DOCK11: variants seen among roughly 807,000 people sequenced by gnomAD.
The protein encoded by DOCK11 is dedicator of cytokinesis 11.
DOCK11 carries 70 observed loss-of-function variants against 169.1 expected under a neutral mutation model. That is an observed-to-expected ratio of 0.41 (90% CI 0.34 to 0.51). The LOEUF (loss-of-function observed/expected upper bound fraction) is 0.51. Ranked by LOEUF, DOCK11 falls within the 20% of genes least tolerant of loss-of-function variation. The pLI is 0.10. For synonymous variants in DOCK11, 529 were observed against 541.3 expected (o/e 0.98, Z 0.32); for missense variants, 1,166 against 1,538.8 (o/e 0.76, Z 4.05).
intron 48 of DOCK11, 81 bp downstream of exon 48, chrX:118,676,818 A>G (rs2016622065): frequency 1.1e-6 from 1 of 910,876 alleles, no homozygotes; most frequent in South Asian, 3.4e-5. Flanking sequence ...TCCTTTTTTA[A>G]CTGGTAGAGA....
At chrX:118,587,889 C>T (rs980409643) in intron 16 of DOCK11, among the ~76,000 whole-genome samples, 1 of 111,820 alleles carries the variant, frequency 8.9e-6, no homozygotes, top group Non-Finnish European at 1.9e-5. Context: ...GCAAATCACT[C>T]GACATTGAGA....
intron 21 of DOCK11, among the ~76,000 whole-genome samples, chrX:118,597,768 G>A (rs2014214139): frequency 9.0e-6 from 1 of 110,923 alleles, no homozygotes; most frequent in Admixed American, 9.6e-5. Flanking sequence ...TTTTTTTAGT[G>A]GGGCTCAGAT....
chrX:118,585,201 G>A lies in DOCK11; in HGVS notation c.1795+84G>A, dbSNP rs137999408. ...TTTCAATATTTTTCTTGAGGTTTAC[G>A]TGGCATATTAGTTTCCCAGGGTTGC... On this transcript the variant is annotated intron_variant, in intron 16 of 52. Transcript: ENST00000276202. 308 of 897,032 alleles carry A rather than the reference G, an allele frequency of 3.4e-4. 1 individual carries two copies. The African/African-American group carries it at 5.2e-3, about 15-fold the overall frequency. 73.9% of individuals were successfully genotyped at this position (897,032 alleles called of 1,213,427 possible).
chrX:118,500,209 C>T (rs1603014602), intron 1 of DOCK11, among the ~76,000 whole-genome samples: 1 of 110,024 alleles, frequency 9.1e-6, no homozygotes, highest in East Asian at 2.9e-4. Flanking sequence ...CCGCCACGCC[C>T]GGCTAATTTT....
intron 24 of DOCK11, among the ~76,000 whole-genome samples, chrX:118,607,378 G>C (rs2014552409): frequency 9.8e-6 from 1 of 101,667 alleles, no homozygotes; most frequent in African/African-American, 3.6e-5. Context: ...GCCACCCAAA[G>C]TGCTGGGATT....
In DOCK11 at chrX:118,506,269, C is replaced by A. The variant is rs1236763683; in HGVS notation, c.102+10196C>A. ...GACCCTGTCTCAAAAAAAAAAAAAA[C>A]AACAAAAAACCAAAACCAAAAAACC... On this transcript the variant is annotated intron_variant, in intron 1 of 52. Transcript: ENST00000276202. Among the ~76,000 whole-genome samples, 140 of 106,565 alleles carry A rather than the reference C, an allele frequency of 1.3e-3. 1 individual carries two copies. The highest frequency in any genetic ancestry group is 0.01 in the Middle Eastern group (2 of 195). 92.5% of individuals were successfully genotyped at this position (106,565 alleles called of 115,157 possible).
chrX:118,569,091 C>CTTTTTTTTTTTTTTTTTTTTT (rs1186200391), intron 10 of DOCK11, among the ~76,000 whole-genome samples: 4 of 44,991 alleles, frequency 8.9e-5, no homozygotes, highest in Admixed American at 3.5e-4. Context: ...TCTTTCTTTC[C>CTTTTTTTTTTTTTTTTTTTTT]TTTTTTTTTT....
Position 118,588,118 on chromosome X carries a change from G to A in DOCK11, c.1796-19G>A. On this transcript the variant is annotated intron_variant, in intron 16 of 52. Transcript: ENST00000276202. ...TTATTAAACTGAATGATCTTTGCCT[G>A]TTTTTTTCCCTGCTATAGATTGTAT... 2 of 1,130,045 alleles carry A rather than the reference G, an allele frequency of 1.8e-6. No individual in the cohort carries two copies. Among genetic ancestry groups the A allele is most frequent in the East Asian group, 6.1e-5 (2 of 32,699 alleles). The allele number at this position is 1,130,045 out of a possible 1,213,427, so 93.1% of individuals were successfully genotyped here.
At position 118,686,141 on chromosome X, in the gene DOCK11, T is replaced by C. The variant is rs1350586149; in HGVS notation, c.*334T>C. ...GGAATACAATAAAAGGTAAAACTTATTTGTAATTAGAAGTGAAAGAAATAA... is the reference window on the plus strand; with the variant it reads ...GGAATACAATAAAAGGTAAAACTTACTTGTAATTAGAAGTGAAAGAAATAA... On this transcript the variant is annotated 3_prime_UTR_variant, in exon 53 of 53. Transcript: ENST00000276202. 1.4e-5 allele frequency: 2 copies of C among 140,645 alleles called. No individual in the cohort carries two copies. Among genetic ancestry groups the C allele is most frequent in the Admixed American group, 8.5e-5 (1 of 11,699 alleles). 11.6% of individuals were successfully genotyped at this position (140,645 alleles called of 1,213,427 possible).
intron 3 of DOCK11, 107 bp from the exon 4 acceptor site, chrX:118,543,404 T>G (rs2012106747): frequency 1.7e-6 from 1 of 601,321 alleles, no homozygotes; most frequent in Non-Finnish European, 2.6e-6. Flanking sequence ...TACTAGTAAT[T>G]GCCAAATGGT....
At chrX:118,607,115 T>C (rs914893402) in intron 24 of DOCK11, among the ~76,000 whole-genome samples, 1 of 91,803 alleles carries the variant, frequency 1.1e-5, no homozygotes, top group Admixed American at 1.2e-4. Context: ...TTTCCTTCTT[T>C]TTTTTTTTTT....
chrX:118,650,975 C>T (rs2015931466), intron 41 of DOCK11, among the ~76,000 whole-genome samples: 1 of 111,801 alleles, frequency 8.9e-6, no homozygotes, highest in Non-Finnish European at 1.9e-5. Flanking sequence ...CAAAGCCACA[C>T]AGTGAATTAT....
intron 1 of DOCK11, among the ~76,000 whole-genome samples, chrX:118,540,461 G>T (rs2011948439): frequency 9.0e-6 from 1 of 111,556 alleles, no homozygotes; most frequent in Admixed American, 9.5e-5. Context: ...TCTCAAATAG[G>T]ATTTTTTCCT....
intron 1 of DOCK11, among the ~76,000 whole-genome samples, chrX:118,520,886 T>G (rs1298965503): frequency 1.8e-5 from 2 of 112,016 alleles, no homozygotes; most frequent in Non-Finnish European, 3.8e-5. Flanking sequence ...CAACATATAT[T>G]TGGAGTTCTA....
chrX:118,649,543 G>T (rs2015897404), intron 41 of DOCK11, among the ~76,000 whole-genome samples: 1 of 111,407 alleles, frequency 9.0e-6, no homozygotes, highest in African/African-American at 3.3e-5. Context: ...TTTTGAGACG[G>T]AGTCTCGCCC....
chrX:118,598,110 C>A lies in DOCK11; in HGVS notation c.2466C>A (p.Tyr822Ter). 1 of 1,182,652 alleles carries A rather than the reference C, an allele frequency of 8.5e-7. No individual in the cohort carries two copies. The highest frequency in any genetic ancestry group is 1.1e-6 in the Non-Finnish European group (1 of 874,786). ...AAAGCCACTTAGAATCTACCATTTA[C>A]ACTCAAGTAAGTTGCATCATTTGAA... Reference protein sequence around the residue: ...KIKSHLESTIYTQDLHVHKFF... With the variant: ...KIKSHLESTI Residue 822 changes from tyrosine (Y) to a stop codon, truncating the protein, a stop_gained, in exon 22 of 53, where the codon TAC becomes TAA. Coordinates refer to ENST00000276202, the MANE Select transcript of DOCK11 (RefSeq NM_144658.4). LOFTEE classifies it high-confidence loss of function.
intron 6 of DOCK11, among the ~76,000 whole-genome samples, chrX:118,546,477 A>G (rs775142504): frequency 8.9e-6 from 1 of 111,964 alleles, no homozygotes; most frequent in Admixed American, 9.5e-5. Flanking sequence ...TTAATTAGGT[A>G]CTTATTACAT....
rs2014594584 is a variant in DOCK11 at position 118,608,448 on chromosome X, T to C, written c.2877+92T>C. 3.8e-6 allele frequency: 4 copies of C among 1,040,506 alleles called. No individual in the cohort carries two copies. The South Asian group carries it at 9.9e-5, about 26-fold the overall frequency. 85.7% of individuals were successfully genotyped at this position (1,040,506 alleles called of 1,213,427 possible). On this transcript the variant is annotated intron_variant, in intron 26 of 52. Coordinates refer to ENST00000276202, the MANE Select transcript of DOCK11 (RefSeq NM_144658.4). ...TTTCACTTCTAGTCTTTCATCAGTT[T>C]CACATGTGACCCGTCCTTTCTCCAC...
At chrX:118,647,814 TTA>T (rs2015771598) in intron 40 of DOCK11, among the ~76,000 whole-genome samples, 1 of 49,933 alleles carries the variant, frequency 2.0e-5, no homozygotes, top group Non-Finnish European at 3.1e-5. Context: ...ATAATATATA[TTA>T]TATTATTATA....
Sources: allele counts gnomAD v4.1 joint callset (sites outside exome capture counted in the v4.1 genomes callset), GRCh38; gene constraint gnomAD v4.1.1; transcripts MANE v1.5; gene names NCBI Gene and HGNC (gene_info 2026-07-23, HGNC 2026-07-21).